MIGA2: variants seen among roughly 807,000 people sequenced by gnomAD.
MIGA2 encodes the protein mitoguardin 2, also known as family with sequence similarity 73, member B.
In MIGA2, 36 loss-of-function variants were observed where a neutral mutation model predicts 69.9. The ratio of observed to expected loss-of-function variants is 0.52; its 90% CI spans 0.39 to 0.68. The LOEUF (loss-of-function observed/expected upper bound fraction) is 0.68. Ranked by LOEUF, MIGA2 falls within the 30% of genes least tolerant of loss-of-function variation. The probability of loss-of-function intolerance (pLI) is 0.00; values close to 1 mark genes in which losing one functional copy is unlikely to be tolerated. For missense variants in MIGA2, 660 were observed against 787.7 expected (o/e 0.84, Z 1.94); for synonymous variants, 333 against 349.2 (o/e 0.95, Z 0.52).
At chr9:129,063,654 G>GC in intron 11 of MIGA2, 23 bp downstream of exon 11, 4 of 863,560 alleles carry the variant, frequency 4.6e-6, no homozygotes, top group South Asian at 1.3e-5. Flanking sequence ...GGGGTGGGGG[G>GC]GCAAATTATA....
intron 4 of MIGA2, 104 bp from the exon 5 acceptor site, chr9:129,049,277 G>T: frequency 9.4e-7 from 1 of 1,064,030 alleles, no homozygotes; most frequent in East Asian, 2.6e-5. Flanking sequence ...GGCATTTGGA[G>T]GGGGCGTGTG....
rs764923396 is a variant in MIGA2 at position 129,059,109 on chromosome 9, G to A, written c.676-45G>A. The A allele has an allele frequency of 5.1e-6, 8 of 1,569,154 alleles. No individual in the cohort carries two copies. The highest frequency in any genetic ancestry group is 4.4e-5 in the South Asian group (4 of 89,982). On this transcript the variant is annotated intron_variant, in intron 6 of 15. Coordinates refer to ENST00000684074, the MANE Select transcript of MIGA2 (RefSeq NM_001329990.2). This position sits in a 1 kb window ranked among gnomAD's most constrained non-coding sequence, Gnocchi z 5.6. ...GGTGAGGGAAGGGGCCATTTTCATC[G>A]GGAGCTTTGAGGGTCTGGGTTGAGG...
At chr9:129,055,218 C>T (rs919792616) in intron 6 of MIGA2, among the ~76,000 whole-genome samples, 2 of 151,800 alleles carry the variant, frequency 1.3e-5, no homozygotes, top group African/African-American at 4.8e-5. Context: ...GCTGGGATTA[C>T]AGGTGCCAGC....
At chr9:129,048,779 G>A (rs527994426) in intron 4 of MIGA2, among the ~76,000 whole-genome samples, 1 of 152,320 alleles carries the variant, frequency 6.6e-6, no homozygotes, top group South Asian at 2.1e-4. Context: ...ACCTGTACCT[G>A]TGAAAGTGCA....
intron 3 of MIGA2, among the ~76,000 whole-genome samples, chr9:129,042,737 TG>T (rs1386898340): frequency 2.0e-5 from 3 of 152,142 alleles, no homozygotes; most frequent in African/African-American, 7.2e-5. Flanking sequence ...GAGGTGGTTT[TG>T]GTTGTTCTCA....
chr9:129,043,150 C>CAT (rs1845010204), intron 3 of MIGA2, among the ~76,000 whole-genome samples: 1 of 151,372 alleles, frequency 6.6e-6, no homozygotes, highest in African/African-American at 2.4e-5. Context: ...GCCGAGATTG[C>CAT]GCCACTGCAC....
chr9:129,055,330 G>A (rs1845740980), intron 6 of MIGA2, among the ~76,000 whole-genome samples: 3 of 151,730 alleles, frequency 2.0e-5, no homozygotes, highest in Admixed American at 2.0e-4. Context: ...CACCTGCCTC[G>A]GCCTCCCAAA....
At chr9:129,056,703 G>C (rs1446829975) in intron 6 of MIGA2, among the ~76,000 whole-genome samples, 1 of 151,960 alleles carries the variant, frequency 6.6e-6, no homozygotes, top group Non-Finnish European at 1.5e-5. Flanking sequence ...GTTTTTAGTA[G>C]AGACGGGTTT....
At chr9:129,042,010 G>A (rs1844932345) in intron 2 of MIGA2, 1 of 425,232 alleles carries the variant, frequency 2.4e-6, no homozygotes, top group Non-Finnish European at 4.5e-6. Context: ...TGCAGTGCCG[G>A]GCACAGCTGG....
intron 6 of MIGA2, among the ~76,000 whole-genome samples, chr9:129,058,329 G>A (rs1845894542): frequency 6.6e-6 from 1 of 151,568 alleles, no homozygotes; most frequent in Non-Finnish European, 1.5e-5. Context: ...CTTGAACTCA[G>A]GAGGTTGAGA....
chr9:129,048,555 C>T lies in MIGA2; in HGVS notation c.420+16C>T. On this transcript the variant is annotated intron_variant, in intron 4 of 15. Coordinates refer to ENST00000684074, the MANE Select transcript of MIGA2 (RefSeq NM_001329990.2). ...TGTGGCCTCGGTGAGCAGCAGGTGC[C>T]AGGGCTCCAGGGCTCCAGGTCCGGG... The T allele has an allele frequency of 6.3e-7, 1 of 1,589,734 alleles. No homozygotes were observed. Among genetic ancestry groups the T allele is most frequent in the African/African-American group, 1.3e-5 (1 of 74,518 alleles).
intron 6 of MIGA2, 152 bp downstream of exon 6, chr9:129,050,115 C>T (rs1218623145): frequency 1.8e-6 from 2 of 1,097,852 alleles, no homozygotes; most frequent in African/African-American, 1.6e-5. Flanking sequence ...CAAAACAATT[C>T]ATGTCACGTG....
At position 129,068,003 on chromosome 9, in the gene MIGA2, T is replaced by G. The variant is rs1466072683; in HGVS notation, c.1269+132T>G. The G allele has an allele frequency of 7.9e-7, 1 of 1,273,578 alleles. No homozygotes were observed. Among genetic ancestry groups the G allele is most frequent in the Non-Finnish European group, 1.1e-6 (1 of 900,766 alleles). 78.9% of individuals were successfully genotyped at this position (1,273,578 alleles called of 1,614,324 possible). A position where few individuals can be genotyped will look rare whatever the true frequency, so the allele number is the denominator to read the frequency against. ...TCCATCACTGCTCATAGTCCCCGGT[T>G]CCTGCCCTGCCCCAGGCCAAGGCAG... On this transcript the variant is annotated intron_variant, in intron 12 of 15. Transcript: ENST00000684074. The surrounding 1 kb of genome is among the most constrained non-coding windows in gnomAD (Gnocchi z 4.1).
At chr9:129,051,888 C>T (rs752862483) in intron 6 of MIGA2, among the ~76,000 whole-genome samples, 19 of 143,094 alleles carry the variant, frequency 1.3e-4, no homozygotes, top group Non-Finnish European at 2.7e-4. Flanking sequence ...TCCAGTGGTG[C>T]GATCTCGACT....
At chr9:129,043,228 C>T (rs923552408) in intron 3 of MIGA2, among the ~76,000 whole-genome samples, 2 of 151,988 alleles carry the variant, frequency 1.3e-5, no homozygotes, top group African/African-American at 4.8e-5. Context: ...AATTTGCATG[C>T]AGTAAGATTC....
intron 3 of MIGA2, among the ~76,000 whole-genome samples, chr9:129,043,688 C>T (rs552829797): frequency 1.1e-4 from 17 of 151,762 alleles, no homozygotes; most frequent in Admixed American, 7.9e-4. Flanking sequence ...CACCCGGCCC[C>T]GGCCATCTTT....
intron 3 of MIGA2, among the ~76,000 whole-genome samples, chr9:129,043,743 CG>C (rs1182743447): frequency 6.6e-6 from 1 of 151,960 alleles, no homozygotes; most frequent in Non-Finnish European, 1.5e-5. Flanking sequence ...CTCTGTCACC[CG>C]GGCTGGAGTG....
chr9:129,037,273 G>T (rs552712510), intron 1 of MIGA2, among the ~76,000 whole-genome samples: 4 of 152,226 alleles, frequency 2.6e-5, no homozygotes, highest in Middle Eastern at 3.4e-3. Flanking sequence ...AGTCATTAGT[G>T]GGGTGGTCTA....
Position 129,068,436 on chromosome 9 carries a change from C to T in MIGA2, c.1404+104C>T, listed in dbSNP as rs572975437. ...CTAGCACTGGCACCAGGGCTGGGCC[C>T]CCACCCCCTAGATCCGCGGCTGCCA... On this transcript the variant is annotated intron_variant, in intron 13 of 15. Transcript: ENST00000684074. This position sits in a 1 kb window ranked among gnomAD's most constrained non-coding sequence, Gnocchi z 4.1. The T allele has an allele frequency of 1.7e-5, 25 of 1,499,000 alleles. No individual in the cohort carries two copies. Among genetic ancestry groups the T allele is most frequent in the African/African-American group, 2.8e-5 (2 of 72,622 alleles). The allele number at this position is 1,499,000 out of a possible 1,614,324, so 92.9% of individuals were successfully genotyped here.
Sources: gnomAD v4.1 joint callset for allele counts (sites outside exome capture counted in the v4.1 genomes callset) on GRCh38, gnomAD v4.1.1 for gene constraint, Gnocchi (gnomAD v3.1) non-coding constraint, MANE v1.5 for transcripts, NCBI Gene and HGNC (gene_info 2026-07-23, HGNC 2026-07-21) for gene names.